Variants in EPHB1 observed in about 807,000 individuals in gnomAD.
EPHB1 encodes ephrin type-B receptor 1.
In EPHB1, 30 loss-of-function variants were observed where a neutral mutation model predicts 94.4. That is an observed-to-expected ratio of 0.32 (90% CI 0.24 to 0.43). The LOEUF is 0.43. EPHB1 is among the 20% of genes least tolerant of loss of function. The probability of loss-of-function intolerance (pLI) is 1.00; values close to 1 mark genes in which losing one functional copy is unlikely to be tolerated. For synonymous variants in EPHB1, 522 were observed against 489.1 expected (o/e 1.07, Z -0.89); for missense variants, 1,055 against 1,308.3 (o/e 0.81, Z 2.99).
intron 2 of EPHB1, among the ~76,000 whole-genome samples, chr3:134,926,992 T>C (rs116135469): frequency 6.6e-6 from 1 of 152,146 alleles, no homozygotes; most frequent in African/African-American, 2.4e-5. Context: ...GCTTGGGCAG[T>C]TGGCTAATTT....
chr3:135,120,536 G>T (rs1356229632), intron 4 of EPHB1, among the ~76,000 whole-genome samples: 2 of 152,190 alleles, frequency 1.3e-5, no homozygotes, highest in Non-Finnish European at 2.9e-5. Flanking sequence ...TGACCACCAA[G>T]GTTTCATTGC....
chr3:135,049,882 G>A (rs73864238), intron 3 of EPHB1, among the ~76,000 whole-genome samples: 3,701 of 152,248 alleles, frequency 0.024, 162 homozygotes, highest in African/African-American at 0.084. Flanking sequence ...TGCTCTGAGT[G>A]TTTTTCCTGT....
chr3:135,115,428 C>T (rs1307201418), intron 4 of EPHB1, among the ~76,000 whole-genome samples: 1 of 152,196 alleles, frequency 6.6e-6, no homozygotes, highest in South Asian at 2.1e-4. Flanking sequence ...CGTCCTCTGT[C>T]CTCTGCCAGC....
chr3:134,869,545 C>T (rs2037454775), intron 1 of EPHB1, among the ~76,000 whole-genome samples: 1 of 152,160 alleles, frequency 6.6e-6, no homozygotes, highest in South Asian at 2.1e-4. Context: ...GGATGTGATG[C>T]CCTGGTTGGC....
chr3:135,258,769 C>T lies in EPHB1; in HGVS notation c.2847-243C>T, dbSNP rs375349513. Among the ~76,000 whole-genome samples the T allele has an allele frequency of 1.1e-4, 17 of 152,316 alleles. No individual in the cohort carries two copies. The East Asian group carries it at 1.7e-3, about 16-fold the overall frequency. On this transcript the variant is annotated intron_variant, in intron 15 of 15. Coordinates refer to ENST00000398015, the MANE Select transcript of EPHB1 (RefSeq NM_004441.5). Reference sequence around the variant, plus strand: ...CCTTAGAGCCCGTACATAAGGAACACACCCCTGGAACAAGGCACAGCACTC... The same window carrying T: ...CCTTAGAGCCCGTACATAAGGAACATACCCCTGGAACAAGGCACAGCACTC...
At chr3:135,030,831 C>T (rs181882) in intron 3 of EPHB1, among the ~76,000 whole-genome samples, 38,757 of 151,972 alleles carry the variant, frequency 0.26, 6,389 homozygotes, top group East Asian at 0.71. Context: ...GCCTCGCTGC[C>T]GCCTTGCAGT....
chr3:135,218,704 C>T (rs1243618895), intron 12 of EPHB1, among the ~76,000 whole-genome samples: 1 of 152,220 alleles, frequency 6.6e-6, no homozygotes, highest in Non-Finnish European at 1.5e-5. Flanking sequence ...CTAATATGTG[C>T]ATAACACTGC....
chr3:135,252,334 A>T (rs71336014), intron 15 of EPHB1, among the ~76,000 whole-genome samples: 13,545 of 143,306 alleles, frequency 0.095, 742 homozygotes, highest in Middle Eastern at 0.18. Flanking sequence ...CATCTAGCAT[A>T]AGGTATATCT....
chr3:135,244,610 G>T (rs149993744), intron 13 of EPHB1, among the ~76,000 whole-genome samples: 1 of 152,310 alleles, frequency 6.6e-6, no homozygotes, highest in Non-Finnish European at 1.5e-5. Context: ...GAATGAAGGT[G>T]CTTTTCCACT....
chr3:134,935,529 G>A (rs1485051924), intron 2 of EPHB1, among the ~76,000 whole-genome samples: 1 of 152,164 alleles, frequency 6.6e-6, no homozygotes, highest in Non-Finnish European at 1.5e-5. Flanking sequence ...AAGTTCTTTA[G>A]CCTCTTTAAG....
chr3:135,172,672 C>T (rs957594999), intron 9 of EPHB1, among the ~76,000 whole-genome samples: 4 of 152,180 alleles, frequency 2.6e-5, no homozygotes, highest in Admixed American at 1.3e-4. Context: ...CTGGCAATTT[C>T]GGCTCCCTCT....
intron 3 of EPHB1, among the ~76,000 whole-genome samples, chr3:134,981,874 C>T (rs1934413127): frequency 6.6e-6 from 1 of 152,156 alleles, no homozygotes; most frequent in Non-Finnish European, 1.5e-5. Context: ...TGGATTCTTC[C>T]TTGACAACAA....
In EPHB1 at chr3:134,795,456, C is replaced by T; in HGVS notation, c.-176C>T. On this transcript the variant is annotated 5_prime_UTR_variant, in exon 1 of 16. Coordinates refer to ENST00000398015, the MANE Select transcript of EPHB1 (RefSeq NM_004441.5). ...ACACCCACGCGCGCCCGCACCGCCC[C>T]ACGCGCACACACTCCTGCCCACGCC... is the stretch of plus-strand genomic sequence containing the variant. 3.3e-6 allele frequency: 2 copies of T among 599,984 alleles called. No homozygotes were observed. Among genetic ancestry groups the T allele is most frequent in the Non-Finnish European group, 5.7e-6 (2 of 353,540 alleles). The allele number at this position is 599,984 out of a possible 1,614,324, so 37.2% of individuals were successfully genotyped here. A position where few individuals can be genotyped will look rare whatever the true frequency, so the allele number is the denominator to read the frequency against.
intron 3 of EPHB1, among the ~76,000 whole-genome samples, chr3:135,051,665 G>GAAAC (rs1937171628): frequency 6.6e-6 from 1 of 152,150 alleles, no homozygotes. Flanking sequence ...TGACTGCGTG[G>GAAAC]GTTTTGATGA....
chr3:135,153,085 G>A (rs1339235639), intron 5 of EPHB1, among the ~76,000 whole-genome samples: 1 of 152,230 alleles, frequency 6.6e-6, no homozygotes, highest in East Asian at 1.9e-4. Context: ...ATGAGTAGTG[G>A]AGAAAGCAGC....
chr3:135,024,971 A>G (rs988064063), intron 3 of EPHB1, among the ~76,000 whole-genome samples: 3 of 151,856 alleles, frequency 2.0e-5, no homozygotes, highest in Admixed American at 2.0e-4. Context: ...TGGTAATTAT[A>G]TATGATTTTT....
At position 134,968,166 on chromosome 3, in the gene EPHB1, A is replaced by C. The variant is rs151164429; in HGVS notation, c.805+16114A>C. Among the ~76,000 whole-genome samples, 26 of 152,366 alleles carry C rather than the reference A, an allele frequency of 1.7e-4. No individual in the cohort carries two copies. The East Asian group carries it at 4.4e-3, about 26-fold the overall frequency. On this transcript the variant is annotated intron_variant, in intron 3 of 15. Coordinates refer to ENST00000398015, the MANE Select transcript of EPHB1 (RefSeq NM_004441.5). ...ACTTGTCTGGGCCTCAGTATGTTAA[A>C]TGATGACATAACAGCACTGAGCTCA...
chr3:135,250,435 C>T (rs1388642420), intron 15 of EPHB1, among the ~76,000 whole-genome samples: 2 of 152,072 alleles, frequency 1.3e-5, no homozygotes, highest in East Asian at 1.9e-4. Context: ...TACCTGTCCA[C>T]CCCAGGGCCT....
At chr3:135,097,550 C>T (rs1938849795) in intron 3 of EPHB1, among the ~76,000 whole-genome samples, 1 of 152,178 alleles carries the variant, frequency 6.6e-6, no homozygotes, top group South Asian at 2.1e-4. Flanking sequence ...CCCACCCTGG[C>T]CCACCTCTTT....
Sources: allele counts gnomAD v4.1 joint callset (sites outside exome capture counted in the v4.1 genomes callset), GRCh38; gene constraint gnomAD v4.1.1; transcripts MANE v1.5; gene names NCBI Gene and HGNC (gene_info 2026-07-23, HGNC 2026-07-21).